Variants in MAPKAP1 observed in about 807,000 individuals in gnomAD.
MAPKAP1 encodes the protein MAPK associated protein 1.
Under a neutral mutation model 65.7 loss-of-function variants are expected in MAPKAP1, and 20 were observed. The ratio of observed to expected loss-of-function variants is 0.30; its 90% CI spans 0.21 to 0.44. The LOEUF (loss-of-function observed/expected upper bound fraction) is 0.44. Among genes scored for constraint, MAPKAP1 ranks in the 20% least tolerant of loss-of-function variants. MAPKAP1 has a pLI of 1.00. For missense variants in MAPKAP1, 423 were observed against 648.0 expected (o/e 0.65, Z 3.77); for synonymous variants, 222 against 244.3 (o/e 0.91, Z 0.85).
intron 4 of MAPKAP1, chr9:125,596,188 G>A: frequency 6.5e-6 from 5 of 767,808 alleles, no homozygotes; most frequent in Non-Finnish European, 1.2e-5. Flanking sequence ...GGCCACAATT[G>A]TGAAGTTAGG....
intron 6 of MAPKAP1, among the ~76,000 whole-genome samples, chr9:125,544,079 C>T (rs1830346873): frequency 1.3e-5 from 2 of 151,978 alleles, no homozygotes; most frequent in African/African-American, 2.4e-5. Flanking sequence ...GGCGCAATCT[C>T]GGCTCACTGC....
At chr9:125,641,198 G>A (rs1225284936) in intron 4 of MAPKAP1, among the ~76,000 whole-genome samples, 2 of 152,178 alleles carry the variant, frequency 1.3e-5, no homozygotes, top group African/African-American at 4.8e-5. Flanking sequence ...CTTGAGGACA[G>A]AGTTCTCATT....
At chr9:125,528,847 C>CAAAAAA (rs61378848) in intron 7 of MAPKAP1, among the ~76,000 whole-genome samples, 1 of 44,126 alleles carries the variant, frequency 2.3e-5, no homozygotes, top group Non-Finnish European at 3.9e-5. Flanking sequence ...GACTCCGTCT[C>CAAAAAA]AAAAAAAAAA....
chr9:125,488,760 G>T (rs1194121203), intron 8 of MAPKAP1, among the ~76,000 whole-genome samples: 1 of 152,224 alleles, frequency 6.6e-6, no homozygotes, highest in African/African-American at 2.4e-5. Context: ...ATGCTAGACG[G>T]TGGGGGACAC....
At chr9:125,662,990 C>G (rs1834232402) in intron 3 of MAPKAP1, among the ~76,000 whole-genome samples, 1 of 152,118 alleles carries the variant, frequency 6.6e-6, no homozygotes, top group South Asian at 2.1e-4. Context: ...ATTGTTGAAG[C>G]TGGCAGATGA....
At chr9:125,465,027 C>CT in intron 10 of MAPKAP1, among the ~76,000 whole-genome samples, 1 of 152,194 alleles carries the variant, frequency 6.6e-6, no homozygotes. Flanking sequence ...CACTTAATGT[C>CT]TTTTTGTAAA....
intron 6 of MAPKAP1, among the ~76,000 whole-genome samples, chr9:125,558,159 C>T (rs924099024): frequency 3.9e-5 from 6 of 152,116 alleles, no homozygotes; most frequent in African/African-American, 1.4e-4. Flanking sequence ...TGAGCCACTG[C>T]GCCTGACCTA....
chr9:125,659,750 C>T (rs1348013520), intron 3 of MAPKAP1, among the ~76,000 whole-genome samples: 2 of 151,036 alleles, frequency 1.3e-5, no homozygotes, highest in African/African-American at 2.4e-5. Context: ...CTATCCCATA[C>T]TCCCTCCCTT....
chr9:125,593,454 G>A (rs1463196707), intron 4 of MAPKAP1, among the ~76,000 whole-genome samples: 1 of 152,140 alleles, frequency 6.6e-6, no homozygotes, highest in African/African-American at 2.4e-5. Context: ...CTCAGCTCAG[G>A]AGTTTGAGAC....
intron 8 of MAPKAP1, among the ~76,000 whole-genome samples, chr9:125,494,892 G>A (rs576499798): frequency 1.5e-4 from 23 of 152,268 alleles, no homozygotes; most frequent in Admixed American, 3.3e-4. Context: ...ATAACGTGGG[G>A]CTAAGTCTCA....
intron 5 of MAPKAP1, among the ~76,000 whole-genome samples, chr9:125,571,274 A>G (rs1831221386): frequency 6.6e-6 from 1 of 152,206 alleles, no homozygotes; most frequent in South Asian, 2.1e-4. Flanking sequence ...TTCCTTATCA[A>G]TTGTGGCTTT....
At chr9:125,592,701 G>A (rs926034274) in intron 4 of MAPKAP1, among the ~76,000 whole-genome samples, 25 of 148,306 alleles carry the variant, frequency 1.7e-4, no homozygotes, top group Non-Finnish European at 1.5e-5. Context: ...TCAGGAGATC[G>A]AGACCATCTT....
chr9:125,679,572 A>G (rs140279196), intron 1 of MAPKAP1, among the ~76,000 whole-genome samples: 10 of 152,326 alleles, frequency 6.6e-5, no homozygotes, highest in Non-Finnish European at 1.5e-4. Context: ...TCACAGAGGA[A>G]GGGTTTACTT....
intron 5 of MAPKAP1, among the ~76,000 whole-genome samples, chr9:125,560,868 T>A (rs1830872291): frequency 6.6e-6 from 1 of 152,214 alleles, no homozygotes; most frequent in African/African-American, 2.4e-5. Flanking sequence ...CAGTTTAGAA[T>A]CAACACATAC....
At chr9:125,699,312 G>A (rs1404413656) in intron 1 of MAPKAP1, among the ~76,000 whole-genome samples, 2 of 151,332 alleles carry the variant, frequency 1.3e-5, no homozygotes, top group East Asian at 2.0e-4. Flanking sequence ...GGGCTCAAAC[G>A]ATCCTCCTGC....
chr9:125,630,523 C>T (rs1051396947), intron 4 of MAPKAP1, among the ~76,000 whole-genome samples: 18 of 152,176 alleles, frequency 1.2e-4, no homozygotes, highest in African/African-American at 4.1e-4. Context: ...CTGGCCTTCA[C>T]ATATTGTATG....
intron 2 of MAPKAP1, among the ~76,000 whole-genome samples, chr9:125,671,158 G>A (rs1201018751): frequency 3.9e-5 from 6 of 152,166 alleles, no homozygotes; most frequent in Non-Finnish European, 8.8e-5. Context: ...TAACCTGCAA[G>A]GAAGTCAGTT....
At chr9:125,522,215 T>C (rs1305514639) in intron 7 of MAPKAP1, among the ~76,000 whole-genome samples, 1 of 152,240 alleles carries the variant, frequency 6.6e-6, no homozygotes, top group East Asian at 1.9e-4. Context: ...GGACCAGCCT[T>C]TGCAGGAAGA....
intron 5 of MAPKAP1, among the ~76,000 whole-genome samples, chr9:125,582,694 G>C (rs1831661017): frequency 6.6e-6 from 1 of 152,136 alleles, no homozygotes; most frequent in African/African-American, 2.4e-5. Flanking sequence ...AAGCAGCCTT[G>C]TTCAGCTTCT....
Sources: gnomAD v4.1 joint callset for allele counts (sites outside exome capture counted in the v4.1 genomes callset) on GRCh38, gnomAD v4.1.1 for gene constraint, MANE v1.5 for transcripts, NCBI Gene and HGNC (gene_info 2026-07-23, HGNC 2026-07-21) for gene names.